Variants in OXR1 observed in about 807,000 individuals in gnomAD.
OXR1 encodes the protein oxidation resistance 1.
Under a neutral mutation model 104.6 loss-of-function variants are expected in OXR1, and 41 were observed. The observed-to-expected ratio is 0.39, with a 90% CI of 0.31 to 0.51. The LOEUF is 0.51. Among genes scored for constraint, OXR1 ranks in the 20% least tolerant of loss-of-function variants. The probability of loss-of-function intolerance (pLI) is 0.77; values close to 1 mark genes in which losing one functional copy is unlikely to be tolerated. For missense variants in OXR1, 955 were observed against 1,031.9 expected (o/e 0.93, Z 1.02); for synonymous variants, 348 against 348.4 (o/e 1.00, Z 0.01).
At chr8:106,708,167 A>G (rs550907581) in intron 9 of OXR1, among the ~76,000 whole-genome samples, 1 of 152,000 alleles carries the variant, frequency 6.6e-6, no homozygotes, top group Non-Finnish European at 1.5e-5. Flanking sequence ...TGAGGCAGGC[A>G]GATTGCTTGA....
chr8:106,604,389 C>G (rs988701260), intron 3 of OXR1, among the ~76,000 whole-genome samples: 10 of 152,128 alleles, frequency 6.6e-5, no homozygotes, highest in African/African-American at 2.4e-4. Context: ...CTCCTGACCT[C>G]AAGTAATCCA....
intron 1 of OXR1, among the ~76,000 whole-genome samples, chr8:106,317,312 T>A (rs1026112489): frequency 6.6e-6 from 1 of 152,170 alleles, no homozygotes; most frequent in Non-Finnish European, 1.5e-5. Context: ...GGTTAGGATT[T>A]CCAGGAAATT....
At chr8:106,662,838 G>T (rs957749040) in intron 3 of OXR1, among the ~76,000 whole-genome samples, 4 of 119,472 alleles carry the variant, frequency 3.3e-5, no homozygotes, top group Admixed American at 2.9e-4. Flanking sequence ...TTCAGTAAAT[G>T]GGATGATGAT....
At chr8:106,456,576 A>C (rs927958817) in intron 2 of OXR1, among the ~76,000 whole-genome samples, 1 of 152,190 alleles carries the variant, frequency 6.6e-6, no homozygotes, top group Non-Finnish European at 1.5e-5. Flanking sequence ...AACAAATGGA[A>C]TCTATCTTGA....
chr8:106,578,167 G>T (rs569918548), intron 3 of OXR1, among the ~76,000 whole-genome samples: 2 of 152,172 alleles, frequency 1.3e-5, no homozygotes, highest in Non-Finnish European at 2.9e-5. Context: ...TGTGCTTACT[G>T]TATTTTATCA....
At chr8:106,275,127 A>G (rs1375839190) in intron 1 of OXR1, among the ~76,000 whole-genome samples, 4 of 152,248 alleles carry the variant, frequency 2.6e-5, no homozygotes, top group Non-Finnish European at 5.9e-5. Context: ...TGTTGAAAAG[A>G]CTTCAGAACA....
chr8:106,288,556 T>A (rs199975629), intron 1 of OXR1, among the ~76,000 whole-genome samples: 5 of 148,556 alleles, frequency 3.4e-5, no homozygotes, highest in Non-Finnish European at 7.4e-5. Context: ...ATATATATAG[T>A]GTGTATATAT....
chr8:106,510,627 T>A (rs1331908814), intron 2 of OXR1, among the ~76,000 whole-genome samples: 1 of 152,202 alleles, frequency 6.6e-6, no homozygotes, highest in Non-Finnish European at 1.5e-5. Flanking sequence ...TTCTATATAA[T>A]TATTATTATT....
intron 2 of OXR1, among the ~76,000 whole-genome samples, chr8:106,420,478 G>A (rs144899395): frequency 1.3e-4 from 20 of 151,618 alleles, no homozygotes; most frequent in East Asian, 3.9e-4. Flanking sequence ...TTTTAAAATC[G>A]CTTTAAAACA....
chr8:106,684,091 GTTCT>G (rs1020745986), intron 5 of OXR1, among the ~76,000 whole-genome samples, 151 bp from the exon 6 acceptor site: 16 of 151,842 alleles, frequency 1.1e-4, no homozygotes. Context: ...GATTTTAAAG[GTTCT>G]TTTTTAAAAA....
At chr8:106,272,450 A>C (rs976443174) in intron 1 of OXR1, 1 of 152,250 alleles carries the variant, frequency 6.6e-6, no homozygotes. Context: ...TAAAAGGTCC[A>C]GTCCCTGAGA....
At chr8:106,454,544 G>T (rs1820498292) in intron 2 of OXR1, among the ~76,000 whole-genome samples, 1 of 151,578 alleles carries the variant, frequency 6.6e-6, no homozygotes, top group Non-Finnish European at 1.5e-5. Context: ...CACCTACTTT[G>T]CAAGTTTTGA....
chr8:106,508,071 G>C (rs1259939376), intron 2 of OXR1, among the ~76,000 whole-genome samples: 1 of 152,148 alleles, frequency 6.6e-6, no homozygotes, highest in Non-Finnish European at 1.5e-5. Context: ...TTCTCCAAGT[G>C]CCAGCTTGGG....
At chr8:106,284,159 CAGTT>C (rs1354489623) in intron 1 of OXR1, among the ~76,000 whole-genome samples, 1 of 151,836 alleles carries the variant, frequency 6.6e-6, no homozygotes, top group African/African-American at 2.4e-5. Flanking sequence ...GAGAGGATGT[CAGTT>C]AGACTACCTG....
intron 1 of OXR1, among the ~76,000 whole-genome samples, chr8:106,341,564 A>G (rs1247094073): frequency 6.6e-6 from 1 of 152,158 alleles, no homozygotes; most frequent in Non-Finnish European, 1.5e-5. Context: ...ACACACATAC[A>G]CCATATATAT....
At chr8:106,514,850 A>T (rs1289297223) in intron 2 of OXR1, among the ~76,000 whole-genome samples, 2 of 152,154 alleles carry the variant, frequency 1.3e-5, no homozygotes, top group Non-Finnish European at 2.9e-5. Flanking sequence ...GTTAATAATG[A>T]TAATTATTGC....
At chr8:106,675,744 G>A (rs1827518877) in intron 3 of OXR1, among the ~76,000 whole-genome samples, 1 of 152,016 alleles carries the variant, frequency 6.6e-6, no homozygotes, top group African/African-American at 2.4e-5. Flanking sequence ...TAGAGTATGT[G>A]CCATGTGACA....
chr8:106,384,888 T>C (rs769901576), intron 2 of OXR1, among the ~76,000 whole-genome samples: 1 of 152,044 alleles, frequency 6.6e-6, no homozygotes, highest in South Asian at 2.1e-4. Context: ...CTAATTTTCA[T>C]ATTGTTAGTA....
intron 3 of OXR1, among the ~76,000 whole-genome samples, chr8:106,568,935 A>G (rs997313512): frequency 2.0e-5 from 3 of 151,922 alleles, no homozygotes; most frequent in Non-Finnish European, 2.9e-5. Context: ...TTAATACTAT[A>G]TATTTCTAAT....
Sources: gnomAD v4.1 joint callset for allele counts (sites outside exome capture counted in the v4.1 genomes callset) on GRCh38, gnomAD v4.1.1 for gene constraint, MANE v1.5 for transcripts, NCBI Gene and HGNC (gene_info 2026-07-23, HGNC 2026-07-21) for gene names.